DNAJC1: variants seen among roughly 807,000 people sequenced by gnomAD.
DNAJC1 encodes DnaJ heat shock protein family (Hsp40) member C1, also known as dnaJ homolog subfamily C member 1.
In DNAJC1, 58 loss-of-function variants were observed where a neutral mutation model predicts 76.6. That is an observed-to-expected ratio of 0.76 (90% CI 0.61 to 0.94). The LOEUF (loss-of-function observed/expected upper bound fraction) is 0.94, where lower values mean the gene tolerates loss of function less well. Ranked by LOEUF, DNAJC1 falls within the 40% of genes least tolerant of loss-of-function variation. DNAJC1 has a pLI of 0.00. For missense variants in DNAJC1, 689 were observed against 677.3 expected (o/e 1.02, Z -0.19); for synonymous variants, 258 against 267.9 (o/e 0.96, Z 0.36).
rs1836982368 is a variant in DNAJC1, at chr10:21,918,071, C to A, written c.729+708G>T. On this transcript the variant is annotated intron_variant, in intron 6 of 11. Transcript: ENST00000376980. Reference sequence around the variant, plus strand: ...TACAATCTCAACCTCAAAATCTGTACACCAAAAAGTGTTTTATTTACTTTC... The same window carrying A: ...TACAATCTCAACCTCAAAATCTGTAAACCAAAAAGTGTTTTATTTACTTTC... 2.0e-5 allele frequency among the ~76,000 whole-genome samples: 3 copies of A among 151,892 alleles called. No individual in the cohort carries two copies. The South Asian group carries it at 6.2e-4, about 31-fold the overall frequency.
At chr10:21,769,418 T>C (rs1327806925) in intron 9 of DNAJC1, among the ~76,000 whole-genome samples, 1 of 152,222 alleles carries the variant, frequency 6.6e-6, no homozygotes, top group Non-Finnish European at 1.5e-5. Flanking sequence ...TTTTACAGAA[T>C]CTGAGGCCCA....
intron 9 of DNAJC1, among the ~76,000 whole-genome samples, chr10:21,797,692 C>T (rs1354072872): frequency 6.6e-6 from 1 of 152,082 alleles, no homozygotes; most frequent in Non-Finnish European, 1.5e-5. Flanking sequence ...GAGTGAGTTC[C>T]TGATAAAAGG....
chr10:21,927,169 G>A (rs944633073), intron 3 of DNAJC1, among the ~76,000 whole-genome samples: 2 of 152,154 alleles, frequency 1.3e-5, no homozygotes, highest in African/African-American at 4.8e-5. Flanking sequence ...TCTCAAACCA[G>A]AGGAATGTCT....
intron 1 of DNAJC1, among the ~76,000 whole-genome samples, chr10:21,991,953 T>C (rs1425631245): frequency 6.6e-6 from 1 of 152,232 alleles, no homozygotes; most frequent in Non-Finnish European, 1.5e-5. Context: ...GCTAGAAGTA[T>C]AAATGTAAAA....
rs538101299 is a variant in DNAJC1, at chr10:21,818,637, T to A, written c.979-12538A>T. Among the ~76,000 whole-genome samples, 5 of 152,272 alleles carry A rather than the reference T, an allele frequency of 3.3e-5. No individual in the cohort carries two copies. In the East Asian group the frequency reaches 7.7e-4, roughly 24 times the overall value. ...CTCCCCTGGACACCCAGCTTTACACTTTGTACTCTGTCCCTTTATTTCTCA... is the reference window on the plus strand; with the variant it reads ...CTCCCCTGGACACCCAGCTTTACACATTGTACTCTGTCCCTTTATTTCTCA... On this transcript the variant is annotated intron_variant, in intron 8 of 11. Transcript: ENST00000376980.
chr10:21,920,313 C>A (rs1837020532), intron 4 of DNAJC1, among the ~76,000 whole-genome samples: 1 of 151,592 alleles, frequency 6.6e-6, no homozygotes, highest in Admixed American at 6.6e-5. Flanking sequence ...AAATAAAAAC[C>A]CAAAGAATAA....
intron 8 of DNAJC1, among the ~76,000 whole-genome samples, chr10:21,871,077 G>C (rs1836095661): frequency 1.3e-5 from 2 of 152,104 alleles, no homozygotes. Context: ...CTAGCCTTAT[G>C]CTAAGGCTGT....
chr10:21,947,640 T>C (rs1324156132), intron 1 of DNAJC1, among the ~76,000 whole-genome samples: 1 of 152,218 alleles, frequency 6.6e-6, no homozygotes, highest in African/African-American at 2.4e-5. Flanking sequence ...AAGCTATTCA[T>C]GGACTTTCCA....
chr10:21,887,655 A>C (rs1237094938), intron 7 of DNAJC1, among the ~76,000 whole-genome samples: 2 of 152,204 alleles, frequency 1.3e-5, no homozygotes, highest in Non-Finnish European at 2.9e-5. Flanking sequence ...CCTATTCAAT[A>C]AGTGGTGCTG....
chr10:21,760,111 G>T (rs1047736241), intron 10 of DNAJC1, among the ~76,000 whole-genome samples: 12 of 152,082 alleles, frequency 7.9e-5, no homozygotes, highest in Admixed American at 1.3e-4. Context: ...ACATGGAAAA[G>T]AAACATTTTA....
At chr10:21,923,626 G>A (rs1227649740) in intron 3 of DNAJC1, among the ~76,000 whole-genome samples, 3 of 151,550 alleles carry the variant, frequency 2.0e-5, no homozygotes, top group Non-Finnish European at 4.4e-5. Flanking sequence ...AAAATCATAG[G>A]AAATTATAAT....
intron 8 of DNAJC1, among the ~76,000 whole-genome samples, chr10:21,829,133 C>T (rs541601928): frequency 1.1e-4 from 17 of 152,006 alleles, no homozygotes; most frequent in Admixed American, 7.2e-4. Flanking sequence ...TGGGTGCAAG[C>T]GATTCTCCTG....
At chr10:21,922,699 T>C (rs1837059739) in intron 3 of DNAJC1, among the ~76,000 whole-genome samples, 1 of 152,010 alleles carries the variant, frequency 6.6e-6, no homozygotes, top group African/African-American at 2.4e-5. Context: ...AGGTTTCAAG[T>C]GCTCTAACAT....
intron 8 of DNAJC1, among the ~76,000 whole-genome samples, chr10:21,851,431 C>A (rs1288385622): frequency 6.6e-6 from 1 of 152,160 alleles, no homozygotes; most frequent in African/African-American, 2.4e-5. Context: ...TGAGATATCA[C>A]TGCACACCCT....
chr10:21,965,648 G>A (rs1056550034), intron 1 of DNAJC1, among the ~76,000 whole-genome samples: 11 of 152,104 alleles, frequency 7.2e-5, no homozygotes, highest in African/African-American at 2.7e-4. Flanking sequence ...TTGCTTTAAA[G>A]ATAATAATAT....
At chr10:21,944,461 T>C (rs879635893) in intron 1 of DNAJC1, among the ~76,000 whole-genome samples, 2 of 152,198 alleles carry the variant, frequency 1.3e-5, no homozygotes, top group Admixed American at 6.5e-5. Flanking sequence ...GACAGACCAA[T>C]TCTTTCCATT....
At position 21,939,776 on chromosome 10, in the gene DNAJC1, A is replaced by G. The variant is rs544627582; in HGVS notation, c.223-10635T>C. Among the ~76,000 whole-genome samples the G allele has an allele frequency of 2.6e-5, 4 of 152,232 alleles. No individual in the cohort carries two copies. The East Asian group carries it at 5.8e-4, about 22-fold the overall frequency. On this transcript the variant is annotated intron_variant, in intron 1 of 11. Coordinates refer to ENST00000376980, the MANE Select transcript of DNAJC1 (RefSeq NM_022365.4). ...CCATCATTAAGCAGTACTTGACTGT[A>G]ATTCCATGTAATCTTTCTCACTAGG...
In DNAJC1 at chr10:21,882,509, C is replaced by A; in HGVS notation, c.821-70G>T. On this transcript the variant is annotated intron_variant, in intron 7 of 11. Coordinates refer to ENST00000376980, the MANE Select transcript of DNAJC1 (RefSeq NM_022365.4). ...TAAAATTAATTTCTAACATTTTATT[C>A]ATAGACCATATCCTGAAAGAAAACA... The A allele has an allele frequency of 4.9e-6, 5 of 1,010,532 alleles. No individual in the cohort carries two copies. The African/African-American group carries it at 5.0e-5, about 10-fold the overall frequency. 62.6% of individuals were successfully genotyped at this position (1,010,532 alleles called of 1,614,324 possible).
chr10:21,841,480 C>G (rs1323867993), intron 8 of DNAJC1, among the ~76,000 whole-genome samples: 1 of 152,184 alleles, frequency 6.6e-6, no homozygotes, highest in East Asian at 1.9e-4. Flanking sequence ...GATATTTATG[C>G]AGCCAAAAAA....
Sources: gnomAD v4.1 joint callset for allele counts (sites outside exome capture counted in the v4.1 genomes callset) on GRCh38, gnomAD v4.1.1 for gene constraint, MANE v1.5 for transcripts, NCBI Gene and HGNC (gene_info 2026-07-23, HGNC 2026-07-21) for gene names.